Variants in RBFOX1 observed in about 807,000 individuals in gnomAD.
The protein encoded by RBFOX1 is RNA binding fox-1 homolog 1.
Under a neutral mutation model 57.7 loss-of-function variants are expected in RBFOX1, and 8 were observed. The observed-to-expected ratio is 0.14, with a 90% CI of 0.08 to 0.25. RBFOX1 has a LOEUF of 0.25. Among genes scored for constraint, RBFOX1 ranks in the 10% least tolerant of loss-of-function variants. RBFOX1 has a pLI of 1.00. For missense variants in RBFOX1, 611 were observed against 548.5 expected, an observed-to-expected ratio of 1.11 and a Z score of -1.14; for synonymous variants, 326 against 222.4, an observed-to-expected ratio of 1.47 and a Z score of -4.15.
At chr16:7,121,645 A>T (rs1474930213) in intron 4 of RBFOX1, among the ~76,000 whole-genome samples, 1 of 152,052 alleles carries the variant, frequency 6.6e-6, no homozygotes, top group South Asian at 2.1e-4. Flanking sequence ...TATAAGTTTA[A>T]CACAATACAA....
rs1385421241 is a variant in RBFOX1, at chr16:6,808,173, T to TGTG, written c.-16+153524_-16+153526dup. Among the ~76,000 whole-genome samples, 752 of 144,284 alleles carry TGTG rather than the reference T, an allele frequency of 5.2e-3. 5 individuals carry two copies. The highest frequency in any genetic ancestry group is 0.02 in the African/African-American group (704 of 35,702). 94.7% of individuals were successfully genotyped at this position (144,284 alleles called of 152,430 possible). A position where few individuals can be genotyped will look rare whatever the true frequency, so the allele number is the denominator to read the frequency against. On this transcript the variant is annotated intron_variant, in intron 3 of 15. Transcript: ENST00000550418. The stretch of plus-strand genomic sequence containing the variant: ...TATACCTTATATATGTGTGTGTGTG[T>TGTG]GTGTGTATATATATATATATATATA...
chr16:6,759,503 GTGTGTGT>G (rs988897159), intron 3 of RBFOX1, among the ~76,000 whole-genome samples: 5 of 151,162 alleles, frequency 3.3e-5, no homozygotes, highest in African/African-American at 1.2e-4. Flanking sequence ...GTGTGTGTGT[GTGTGTGT>G]GTGTGTGTGT....
intron 3 of RBFOX1, among the ~76,000 whole-genome samples, chr16:7,003,398 T>C (rs1462727271): frequency 6.6e-6 from 1 of 151,558 alleles, no homozygotes; most frequent in Non-Finnish European, 1.5e-5. Flanking sequence ...AGGCGGAGGT[T>C]GCACTGAGCA....
chr16:6,706,685 G>A (rs964244821), intron 3 of RBFOX1, among the ~76,000 whole-genome samples: 1 of 148,632 alleles, frequency 6.7e-6, no homozygotes, highest in Non-Finnish European at 1.5e-5. Flanking sequence ...AATTGGCTGA[G>A]TTGTTCTAAT....
intron 1 of RBFOX1, among the ~76,000 whole-genome samples, chr16:6,201,175 A>T (rs970239832): frequency 6.6e-6 from 1 of 152,098 alleles, no homozygotes; most frequent in Non-Finnish European, 1.5e-5. Context: ...CATTGTATCT[A>T]TGGTACCACA....
At chr16:6,801,225 T>C (rs1244237358) in intron 3 of RBFOX1, among the ~76,000 whole-genome samples, 2 of 149,974 alleles carry the variant, frequency 1.3e-5, no homozygotes, top group African/African-American at 4.9e-5. Flanking sequence ...AAAGTAACGT[T>C]ACATATCATG....
chr16:6,926,295 A>G (rs145959526), intron 3 of RBFOX1, among the ~76,000 whole-genome samples: 69 of 152,262 alleles, frequency 4.5e-4, no homozygotes, highest in African/African-American at 1.5e-3. Context: ...CAACAGAGCA[A>G]GACTCCATCT....
At chr16:6,840,024 C>T (rs11642100) in intron 3 of RBFOX1, among the ~76,000 whole-genome samples, 79,711 of 151,818 alleles carry the variant, frequency 0.53, 22,534 homozygotes, top group East Asian at 0.87. Flanking sequence ...AACTATGGAC[C>T]CTGGGAAGGA....
chr16:6,977,947 A>ATAAATAAAT (rs547654457), intron 3 of RBFOX1, among the ~76,000 whole-genome samples: 51 of 146,062 alleles, frequency 3.5e-4, no homozygotes, highest in South Asian at 2.4e-3. Context: ...GAAAAAAAAA[A>ATAAATAAAT]AAAAGGCAAA....
intron 1 of RBFOX1, among the ~76,000 whole-genome samples, chr16:6,063,478 C>CACACACACAT (rs1477490359): frequency 4.5e-5 from 4 of 88,896 alleles, no homozygotes; most frequent in African/African-American, 1.7e-4. Context: ...CACACACACA[C>CACACACACAT]ACACACACAC....
chr16:6,824,677 C>T (rs1339890563), intron 3 of RBFOX1, among the ~76,000 whole-genome samples: 1 of 152,112 alleles, frequency 6.6e-6, no homozygotes, highest in African/African-American at 2.4e-5. Context: ...TCACTCACTA[C>T]CTTGAAATAA....
chr16:5,590,041 C>T lies in RBFOX1; in HGVS notation c.259-8861C>T, dbSNP rs924766424. On this transcript the variant is annotated intron_variant, in intron 2 of 2. Coordinates refer to the RBFOX1 transcript ENST00000585867. Reference sequence around the variant, plus strand: ...CAGCCTAGCGTTTCAGAGGAGTCTGCGTGTTACACACACACACACACACAC... The same window carrying T: ...CAGCCTAGCGTTTCAGAGGAGTCTGTGTGTTACACACACACACACACACAC... Among the ~76,000 whole-genome samples, 9 of 103,934 alleles carry T rather than the reference C, an allele frequency of 8.7e-5. No individual in the cohort carries two copies. The South Asian group carries it at 2.6e-3, about 30-fold the overall frequency. The allele number at this position is 103,934 out of a possible 152,430, so 68.2% of individuals were successfully genotyped here. A position where few individuals can be genotyped will look rare whatever the true frequency, so the allele number is the denominator to read the frequency against.
At chr16:7,588,772 A>AT (rs923128523) in intron 7 of RBFOX1, among the ~76,000 whole-genome samples, 29 of 151,450 alleles carry the variant, frequency 1.9e-4, no homozygotes, top group Non-Finnish European at 3.1e-4. Flanking sequence ...CAAACCTTTG[A>AT]TTTTTTTTTC....
At chr16:5,782,964 C>G (rs1013318789) in intron 3 of RBFOX1, among the ~76,000 whole-genome samples, 1 of 152,148 alleles carries the variant, frequency 6.6e-6, no homozygotes, top group African/African-American at 2.4e-5. Flanking sequence ...ATCACCCACA[C>G]GGGTGAGGGT....
intron 4 of RBFOX1, among the ~76,000 whole-genome samples, chr16:7,413,513 C>G (rs1041333289): frequency 6.6e-6 from 1 of 152,066 alleles, no homozygotes; most frequent in Non-Finnish European, 1.5e-5. Flanking sequence ...CCACACTTTG[C>G]AAGCCACTGA....
At chr16:6,667,928 G>T (rs925766462) in intron 3 of RBFOX1, among the ~76,000 whole-genome samples, 1 of 152,014 alleles carries the variant, frequency 6.6e-6, no homozygotes, top group Non-Finnish European at 1.5e-5. Context: ...CAAGCTGCCT[G>T]ATTATTACAC....
At chr16:7,622,853 A>G (rs557846047) in intron 10 of RBFOX1, among the ~76,000 whole-genome samples, 2 of 152,216 alleles carry the variant, frequency 1.3e-5, no homozygotes, top group African/African-American at 4.8e-5. Context: ...ATAACCCTTC[A>G]GAGAAGCTCA....
At chr16:6,395,052 G>C (rs987781458) in intron 2 of RBFOX1, among the ~76,000 whole-genome samples, 1 of 152,158 alleles carries the variant, frequency 6.6e-6, no homozygotes, top group African/African-American at 2.4e-5. Context: ...TGGTTAGGTG[G>C]TATAGGCAAT....
chr16:6,598,522 A>G (rs1259298499), intron 2 of RBFOX1, among the ~76,000 whole-genome samples: 2 of 152,228 alleles, frequency 1.3e-5, no homozygotes, highest in Non-Finnish European at 2.9e-5. Flanking sequence ...TACAAAGATG[A>G]TTATTCCAAT....
Sources: allele counts gnomAD v4.1 joint callset (sites outside exome capture counted in the v4.1 genomes callset), GRCh38; gene constraint gnomAD v4.1.1; transcripts MANE v1.5; gene names NCBI Gene and HGNC (gene_info 2026-07-23, HGNC 2026-07-21).